The following KIAA1217 variants were observed in gnomAD, a reference collection of about 807,000 sequenced individuals.
KIAA1217 encodes the protein sickle tail protein homolog.
KIAA1217 carries 88 observed loss-of-function variants against 163.9 expected under a neutral mutation model. That is an observed-to-expected ratio of 0.54 (90% confidence interval 0.45 to 0.64). The LOEUF is 0.64. Among genes scored for constraint, KIAA1217 ranks in the 30% least tolerant of loss-of-function variants. KIAA1217 has a pLI of 0.00. For synonymous variants in KIAA1217, 903 were observed against 923.1 expected (o/e 0.98, Z 0.39); for missense variants, 2,372 against 2,475.0 (o/e 0.96, Z 0.88).
At chr10:24,496,993 G>A (rs567827682) in intron 8 of KIAA1217, among the ~76,000 whole-genome samples, 3 of 152,224 alleles carry the variant, frequency 2.0e-5, no homozygotes, top group African/African-American at 4.8e-5. Flanking sequence ...CAATGAGCAC[G>A]TGGACTCACT....
chr10:24,189,785 G>A (rs1328908695), intron 2 of KIAA1217, among the ~76,000 whole-genome samples: 1 of 152,162 alleles, frequency 6.6e-6, no homozygotes, highest in African/African-American at 2.4e-5. Flanking sequence ...GGAGGCCAAG[G>A]TGAGAGGATT....
chr10:24,517,525 G>T (rs2070384565), intron 10 of KIAA1217, among the ~76,000 whole-genome samples: 1 of 152,100 alleles, frequency 6.6e-6, no homozygotes, highest in South Asian at 2.1e-4. Context: ...TTCAACTCTG[G>T]AATATCAGAA....
chr10:24,147,020 A>C (rs1264884655), intron 2 of KIAA1217, among the ~76,000 whole-genome samples: 5 of 151,724 alleles, frequency 3.3e-5, no homozygotes, highest in Admixed American at 1.3e-4. Context: ...AAAAAAAAAA[A>C]AAAAAAAAAA....
At chr10:24,048,556 C>G (rs966497250) in intron 2 of KIAA1217, among the ~76,000 whole-genome samples, 4 of 151,640 alleles carry the variant, frequency 2.6e-5, no homozygotes, top group African/African-American at 9.7e-5. Flanking sequence ...AATGGTAAAC[C>G]CTGCCTCTAC....
intron 9 of KIAA1217, among the ~76,000 whole-genome samples, chr10:24,508,892 T>A (rs2068723385): frequency 6.6e-6 from 1 of 152,190 alleles, no homozygotes. Flanking sequence ...TTCTTTGGGC[T>A]GGGGCTTGGG....
At chr10:24,050,148 G>A (rs1344695277) in intron 2 of KIAA1217, among the ~76,000 whole-genome samples, 1 of 152,064 alleles carries the variant, frequency 6.6e-6, no homozygotes, top group African/African-American at 2.4e-5. Context: ...CTTTTTGATG[G>A]GGTTGTTTGT....
intron 14 of KIAA1217, among the ~76,000 whole-genome samples, chr10:24,528,426 A>G (rs920413051): frequency 9.9e-5 from 15 of 151,678 alleles, no homozygotes; most frequent in African/African-American, 3.6e-4. Flanking sequence ...GGCTCAAGCA[A>G]TCCTCCCACC....
At chr10:23,855,045 G>C (rs1019875256) in intron 1 of KIAA1217, among the ~76,000 whole-genome samples, 55 of 152,220 alleles carry the variant, frequency 3.6e-4, no homozygotes, top group Middle Eastern at 6.8e-3. Context: ...GTGTGAATTT[G>C]ATCCTGTCAT....
intron 2 of KIAA1217, among the ~76,000 whole-genome samples, chr10:24,072,089 G>A (rs1271377224): frequency 1.3e-5 from 2 of 152,066 alleles, no homozygotes; most frequent in African/African-American, 2.4e-5. Flanking sequence ...ACAGTGGTGT[G>A]ACCATAGCTT....
At chr10:24,258,794 C>T (rs1014903361) in intron 2 of KIAA1217, among the ~76,000 whole-genome samples, 2 of 152,020 alleles carry the variant, frequency 1.3e-5, no homozygotes, top group Non-Finnish European at 2.9e-5. Flanking sequence ...GGGGTTTCAC[C>T]GTGTTAGCCA....
intron 1 of KIAA1217, among the ~76,000 whole-genome samples, chr10:23,817,378 G>C (rs528468116): frequency 2.6e-5 from 4 of 152,260 alleles, no homozygotes; most frequent in Non-Finnish European, 4.4e-5. Flanking sequence ...GAAGTTTAAA[G>C]TCTTCACTTG....
intron 1 of KIAA1217, among the ~76,000 whole-genome samples, chr10:23,874,627 G>A (rs1185452509): frequency 6.6e-6 from 1 of 151,912 alleles, no homozygotes; most frequent in African/African-American, 2.4e-5. Flanking sequence ...ATCATTTGGA[G>A]TTCTTTTTTA....
In KIAA1217 at chr10:24,084,275, CG is replaced by C. The variant is rs572415875; in HGVS notation, c.-171+76902del. ...TACTTACTTTCACTTATTTGGTTCA[CG>C]ATGTTTCACCTATTAGAATGTAAGC... On this transcript the variant is annotated intron_variant, in intron 2 of 18. Coordinates refer to the KIAA1217 transcript ENST00000376462. Among the ~76,000 whole-genome samples, 47 of 152,272 alleles carry C rather than the reference CG, an allele frequency of 3.1e-4. No homozygotes were observed. In the East Asian group the frequency reaches 7.1e-3, roughly 23 times the overall value.
intron 2 of KIAA1217, among the ~76,000 whole-genome samples, chr10:24,261,076 C>T (rs1221598437): frequency 6.6e-6 from 1 of 152,140 alleles, no homozygotes; most frequent in African/African-American, 2.4e-5. Context: ...GTCACAGGTA[C>T]TTCACGTATT....
intron 1 of KIAA1217, among the ~76,000 whole-genome samples, chr10:23,853,624 C>G (rs554977324): frequency 2.2e-4 from 33 of 152,072 alleles, no homozygotes; most frequent in African/African-American, 6.5e-4. Flanking sequence ...GTAGAATTCG[C>G]GTGTGAATCC....
At chr10:23,929,773 T>A (rs907272876) in intron 1 of KIAA1217, among the ~76,000 whole-genome samples, 2 of 152,208 alleles carry the variant, frequency 1.3e-5, no homozygotes, top group Non-Finnish European at 2.9e-5. Flanking sequence ...CGTATGAATG[T>A]AGGTGTCTTT....
chr10:24,186,805 A>G (rs1482881510), intron 2 of KIAA1217, among the ~76,000 whole-genome samples: 2 of 152,126 alleles, frequency 1.3e-5, no homozygotes, highest in African/African-American at 4.8e-5. Flanking sequence ...CATAAGAATC[A>G]CTTGAACCTG....
intron 1 of KIAA1217, among the ~76,000 whole-genome samples, chr10:23,963,239 A>G (rs1243227489): frequency 1.3e-5 from 2 of 152,066 alleles, no homozygotes; most frequent in African/African-American, 2.4e-5. Context: ...TACATTAGGT[A>G]TTTCTTCTAA....
At chr10:23,921,031 A>G (rs1388615546) in intron 1 of KIAA1217, among the ~76,000 whole-genome samples, 2 of 152,192 alleles carry the variant, frequency 1.3e-5, no homozygotes, top group Non-Finnish European at 2.9e-5. Context: ...AGCTATGTGG[A>G]ACTGTGAGTC....
Sources: allele counts gnomAD v4.1 joint callset (sites outside exome capture counted in the v4.1 genomes callset), GRCh38; gene constraint gnomAD v4.1.1; transcripts MANE v1.5; gene names NCBI Gene and HGNC (gene_info 2026-07-23, HGNC 2026-07-21).